TENT5D: variants seen among roughly 807,000 people sequenced by gnomAD.
The protein encoded by TENT5D is terminal nucleotidyltransferase 5D.
For missense variants in TENT5D, 191 were observed against 287.0 expected (o/e 0.67, Z 2.42); for synonymous variants, 103 against 100.6 (o/e 1.02, Z -0.15).
chrX:80,409,430 T>C (rs1931586121), intron 3 of TENT5D, among the ~76,000 whole-genome samples: 1 of 110,986 alleles, frequency 9.0e-6, no homozygotes, highest in Admixed American at 9.6e-5. Flanking sequence ...TGTACAAAAA[T>C]CACAAGCATT....
intron 3 of TENT5D, among the ~76,000 whole-genome samples, chrX:80,352,853 T>C (rs1386524585): frequency 1.8e-5 from 2 of 110,688 alleles, no homozygotes; most frequent in Non-Finnish European, 3.8e-5. Flanking sequence ...GTCTGTGGAC[T>C]GGAAAAACCA....
At chrX:80,396,480 C>T (rs926162929) in intron 3 of TENT5D, among the ~76,000 whole-genome samples, 2 of 109,730 alleles carry the variant, frequency 1.8e-5, no homozygotes, top group Non-Finnish European at 3.8e-5. Flanking sequence ...TGACTCTTAA[C>T]GAGCATGCTG....
intron 3 of TENT5D, among the ~76,000 whole-genome samples, chrX:80,392,924 C>T (rs1303521290): frequency 1.8e-5 from 2 of 111,414 alleles, no homozygotes; most frequent in Non-Finnish European, 3.8e-5. Flanking sequence ...CTCTTATTTT[C>T]CTTCTCTTTA....
chrX:80,441,701 A>G (rs1410415994), intron 2 of TENT5D, among the ~76,000 whole-genome samples: 1 of 111,535 alleles, frequency 9.0e-6, no homozygotes, highest in Admixed American at 9.6e-5. Context: ...ATAAAATGTT[A>G]ACTTCCTAAC....
At chrX:80,388,182 G>A (rs901367225) in intron 3 of TENT5D, among the ~76,000 whole-genome samples, 7 of 110,791 alleles carry the variant, frequency 6.3e-5, no homozygotes, top group African/African-American at 2.0e-4. Context: ...AAGCGCCAAG[G>A]CCTAGAATCA....
chrX:80,343,056 C>T (rs1279539619), intron 3 of TENT5D, among the ~76,000 whole-genome samples: 3 of 111,174 alleles, frequency 2.7e-5, no homozygotes, highest in African/African-American at 9.8e-5. Flanking sequence ...ATACTTTACA[C>T]CCAGAATAGG....
intron 3 of TENT5D, among the ~76,000 whole-genome samples, chrX:80,392,577 C>T (rs1209267180): frequency 9.2e-5 from 8 of 86,857 alleles, no homozygotes; most frequent in South Asian, 6.5e-4. Flanking sequence ...ACTGCAGTGG[C>T]GCAATCTCGG....
chrX:80,348,797 C>T (rs143527754), intron 3 of TENT5D, among the ~76,000 whole-genome samples: 3,224 of 111,126 alleles, frequency 0.029, 46 homozygotes, highest in Non-Finnish European at 0.044. Context: ...GCTGTGGGTT[C>T]GTTAGAAATA....
At chrX:80,431,442 TAGAAAG>T (rs932445197) in intron 1 of TENT5D, among the ~76,000 whole-genome samples, 1 of 111,828 alleles carries the variant, frequency 8.9e-6, no homozygotes, top group Non-Finnish European at 1.9e-5. Context: ...AGACAAAAGT[TAGAAAG>T]AGAGTTTTAG....
chrX:80,419,321 A>C (rs181915474), upstream of TENT5D, among the ~76,000 whole-genome samples: 1 of 112,133 alleles, frequency 8.9e-6, no homozygotes, highest in Non-Finnish European at 1.9e-5. Context: ...AAGGATTAGG[A>C]TTATAGTCTT....
At chrX:80,425,430 T>C (rs978841835) in intron 1 of TENT5D, among the ~76,000 whole-genome samples, 5 of 112,683 alleles carry the variant, frequency 4.4e-5, no homozygotes, top group African/African-American at 1.6e-4. Flanking sequence ...TTGCTTGATA[T>C]TTATAAACAT....
intron 2 of TENT5D, among the ~76,000 whole-genome samples, chrX:80,441,253 T>G (rs764828080): frequency 9.0e-6 from 1 of 111,237 alleles, no homozygotes; most frequent in African/African-American, 3.2e-5. Flanking sequence ...AGGGATTACA[T>G]ACAGAGAAAC....
At chrX:80,402,934 A>ATTAATT (rs1931415386) in intron 3 of TENT5D, among the ~76,000 whole-genome samples, 1 of 112,010 alleles carries the variant, frequency 8.9e-6, no homozygotes, top group African/African-American at 3.2e-5. Context: ...GTGTTTGCTT[A>ATTAATT]TTAATTTTAT....
intron 1 of TENT5D, among the ~76,000 whole-genome samples, chrX:80,430,922 G>A (rs1335930028): frequency 9.0e-6 from 1 of 110,932 alleles, no homozygotes; most frequent in Non-Finnish European, 1.9e-5. Context: ...GGCCCATAGG[G>A]CTCCCAAGAT....
intron 3 of TENT5D, among the ~76,000 whole-genome samples, chrX:80,387,158 A>T (rs988817464): frequency 8.9e-6 from 1 of 112,266 alleles, no homozygotes; most frequent in African/African-American, 3.2e-5. Context: ...TGAAGAATGC[A>T]GACAGTTCCA....
At position 80,443,442 on chromosome X, in the gene TENT5D, C is replaced by T. The variant is rs1427644964; in HGVS notation, c.903C>T (p.Thr301=). 59 of 1,209,640 alleles carry T rather than the reference C, an allele frequency of 4.9e-5. 1 individual carries two copies. Among genetic ancestry groups the T allele is most frequent in the Non-Finnish European group, 5.8e-5 (52 of 894,897 alleles). ...TGACCAAGTATGACTACCTTATGACCTTGCATGGAGTTGTGAATGAAAGCA... is the reference window on the plus strand; with the variant it reads ...TGACCAAGTATGACTACCTTATGACTTTGCATGGAGTTGTGAATGAAAGCA... The change falls in exon 3 of 3, where the codon ACC becomes ACT. Residue 301 remains threonine (T), a synonymous_variant. Coordinates refer to ENST00000308293, the Ensembl canonical transcript of TENT5D.
intron 1 of TENT5D, among the ~76,000 whole-genome samples, chrX:80,435,031 C>G (rs1226032996): frequency 9.0e-6 from 1 of 110,655 alleles, no homozygotes; most frequent in Non-Finnish European, 1.9e-5. Flanking sequence ...GATCCGCCCG[C>G]CTCAGCCTCT....
intron 3 of TENT5D, among the ~76,000 whole-genome samples, chrX:80,352,267 C>T (rs1179790295): frequency 1.8e-5 from 2 of 111,611 alleles, no homozygotes; most frequent in Non-Finnish European, 3.8e-5. Flanking sequence ...CGCCCACAGC[C>T]CCCGCTTCCT....
chrX:80,394,041 A>T (rs1931189572), intron 3 of TENT5D, among the ~76,000 whole-genome samples: 1 of 112,104 alleles, frequency 8.9e-6, no homozygotes, highest in African/African-American at 3.2e-5. Context: ...TCTCTACAAC[A>T]TATTGATCTC....
Sources: allele counts gnomAD v4.1 joint callset (sites outside exome capture counted in the v4.1 genomes callset), GRCh38; gene constraint gnomAD v4.1.1; transcripts MANE v1.5; gene names NCBI Gene and HGNC (gene_info 2026-07-23, HGNC 2026-07-21).